CXorf58: variants seen among roughly 807,000 people sequenced by gnomAD.
CXorf58 encodes uncharacterized protein CXorf58.
A neutral mutation model predicts 26.0 loss-of-function variants in CXorf58; 24 were observed. That is an observed-to-expected ratio of 0.92 (90% CI 0.67 to 1.30). CXorf58 has a LOEUF of 1.30. Among genes scored for constraint, CXorf58 ranks in the 50% most tolerant of loss-of-function variants. The pLI, the probability that CXorf58 is intolerant of heterozygous loss-of-function variation, is 0.00. For synonymous variants in CXorf58, 87 were observed against 86.1 expected, an observed-to-expected ratio of 1.01 and a Z score of -0.06; for missense variants, 236 against 263.9, an observed-to-expected ratio of 0.89 and a Z score of 0.73.
intron 5 of CXorf58, among the ~76,000 whole-genome samples, chrX:23,917,662 C>G (rs1262616665): frequency 9.0e-6 from 1 of 110,798 alleles, no homozygotes; most frequent in Non-Finnish European, 1.9e-5. Context: ...AGGTGATTCG[C>G]CCGCCTCGGC....
At chrX:23,927,110 A>G (rs1040069511) in intron 5 of CXorf58, 129 bp from the exon 6 acceptor site, 2 of 440,440 alleles carry the variant, frequency 4.5e-6, no homozygotes, top group Non-Finnish European at 7.6e-6. Flanking sequence ...CAGCCTTTCT[A>G]TTGAATAGCA....
chrX:23,920,415 G>A (rs1177205436), intron 5 of CXorf58, among the ~76,000 whole-genome samples: 3 of 111,932 alleles, frequency 2.7e-5, no homozygotes, highest in African/African-American at 9.7e-5. Context: ...CACAAAAACT[G>A]TGGCCCATCT....
intron 1 of CXorf58, among the ~76,000 whole-genome samples, chrX:23,909,589 A>C (rs1232902013): frequency 8.9e-6 from 1 of 111,989 alleles, no homozygotes; most frequent in Non-Finnish European, 1.9e-5. Context: ...AATTCTTAGA[A>C]GAGATCTGTC....
At chrX:23,919,392 T>C (rs1185725952) in intron 5 of CXorf58, among the ~76,000 whole-genome samples, 1 of 112,563 alleles carries the variant, frequency 8.9e-6, no homozygotes, top group East Asian at 2.8e-4. Context: ...CATTGCATTT[T>C]TCAGCTCCAG....
In CXorf58 at chrX:23,932,368, G is replaced by A. The variant is rs559714854; in HGVS notation, c.556-2828G>A. Among the ~76,000 whole-genome samples the A allele has an allele frequency of 4.8e-4, 54 of 111,842 alleles. 1 individual carries two copies. In the South Asian group the frequency reaches 0.016, roughly 34 times the overall value. On this transcript the variant is annotated intron_variant, in intron 6 of 8. Transcript: ENST00000379211. ...GTTCCTCTAGCTGTAGATCTGCAACGTCTTGAATGATGGCAGTGTTAGCAT... is the reference window on the plus strand; with the variant it reads ...GTTCCTCTAGCTGTAGATCTGCAACATCTTGAATGATGGCAGTGTTAGCAT...
At chrX:23,911,727 T>C in intron 2 of CXorf58, 30 bp from the exon 3 acceptor site, 1 of 1,012,476 alleles carries the variant, frequency 9.9e-7, no homozygotes, top group Non-Finnish European at 1.4e-6. Context: ...AAAACTACTT[T>C]ATAAATATTA....
chrX:23,922,746 G>T (rs1927903046), intron 5 of CXorf58, among the ~76,000 whole-genome samples: 1 of 112,415 alleles, frequency 8.9e-6, no homozygotes, highest in Admixed American at 9.4e-5. Context: ...TATGTAATTG[G>T]ACTGTTCCAA....
At chrX:23,924,425 G>A (rs1740163038) in intron 5 of CXorf58, among the ~76,000 whole-genome samples, 1 of 109,457 alleles carries the variant, frequency 9.1e-6, no homozygotes, top group African/African-American at 3.3e-5. Context: ...GGGTTCAAGC[G>A]ATTCTCCTGC....
chrX:23,910,949 A>G (rs1479002811), intron 2 of CXorf58, among the ~76,000 whole-genome samples: 1 of 108,727 alleles, frequency 9.2e-6, no homozygotes, highest in Non-Finnish European at 1.9e-5. Context: ...TATTTTCAGT[A>G]GAGACGGGGT....
intron 6 of CXorf58, among the ~76,000 whole-genome samples, chrX:23,930,310 C>A (rs745473315): frequency 9.3e-6 from 1 of 107,658 alleles, no homozygotes; most frequent in East Asian, 2.9e-4. Context: ...AATCCAGAAA[C>A]GATTCACCAT....
At chrX:23,921,214 T>C (rs974018024) in intron 5 of CXorf58, among the ~76,000 whole-genome samples, 15 of 111,667 alleles carry the variant, frequency 1.3e-4, no homozygotes, top group African/African-American at 4.9e-4. Flanking sequence ...TGGAAATCAC[T>C]GCTTATGCAT....
rs748414243 is a variant in CXorf58 at position 23,910,469 on chromosome X, C to T, written c.116+51C>T. 3.3e-5 allele frequency: 22 copies of T among 661,157 alleles called. No homozygotes were observed. The African/African-American group carries it at 3.9e-4, about 12-fold the overall frequency. 54.5% of individuals were successfully genotyped at this position (661,157 alleles called of 1,213,427 possible). Reference sequence around the variant, plus strand: ...TTATCTTCCACAACTGTACAGTTTCCAAACAGTACTTATTCAGATAACTTC... The same window carrying T: ...TTATCTTCCACAACTGTACAGTTTCTAAACAGTACTTATTCAGATAACTTC... On this transcript the variant is annotated intron_variant, in intron 2 of 8. Transcript: ENST00000379211.
chrX:23,922,822 A>G (rs1337846905), intron 5 of CXorf58, among the ~76,000 whole-genome samples: 1 of 112,602 alleles, frequency 8.9e-6, no homozygotes, highest in African/African-American at 3.2e-5. Context: ...AGTTCCCAGT[A>G]GAAACAGGAA....
intron 2 of CXorf58, 45 bp downstream of exon 2, chrX:23,910,463 A>G (rs750524507): frequency 1.5e-5 from 11 of 718,620 alleles, no homozygotes; most frequent in Non-Finnish European, 2.4e-5. Flanking sequence ...ACAACTGTAC[A>G]GTTTCCAAAC....
intron 6 of CXorf58, among the ~76,000 whole-genome samples, chrX:23,928,406 C>T (rs2147074865): frequency 9.0e-6 from 1 of 111,120 alleles, no homozygotes; most frequent in African/African-American, 3.3e-5. Context: ...TGGTCTCAAA[C>T]TCCTGACCTC....
intron 6 of CXorf58, among the ~76,000 whole-genome samples, chrX:23,930,147 A>T (rs1417593858): frequency 4.2e-5 from 4 of 94,629 alleles, no homozygotes; most frequent in African/African-American, 1.6e-4. Flanking sequence ...CAGTGAGCCG[A>T]GATTGCACCA....
Position 23,915,815 on chromosome X carries a change from T to C in CXorf58, c.311+21T>C, listed in dbSNP as rs773326943. On this transcript the variant is annotated intron_variant, in intron 4 of 8. Coordinates refer to ENST00000379211, the MANE Select transcript of CXorf58 (RefSeq NM_152761.3). ...TTCAGGTAATGTATCTATGCTGATT[T>C]ATTTCAAGAAGTACTTAGTTAATAT... 3.5e-5 allele frequency: 32 copies of C among 926,742 alleles called. No homozygotes were observed. In the South Asian group the frequency reaches 6.8e-4, roughly 20 times the overall value. The allele number at this position is 926,742 out of a possible 1,213,427, so 76.4% of individuals were successfully genotyped here. A position where few individuals can be genotyped will look rare whatever the true frequency, so the allele number is the denominator to read the frequency against.
chrX:23,938,830 A>G (rs1342506458), intron 8 of CXorf58, 130 bp downstream of exon 8: 4 of 445,323 alleles, frequency 9.0e-6, no homozygotes, highest in African/African-American at 5.0e-5. Flanking sequence ...CACATTTATC[A>G]TAGGTAGTAT....
At chrX:23,913,100 G>A (rs1927626834) in intron 3 of CXorf58, among the ~76,000 whole-genome samples, 1 of 110,856 alleles carries the variant, frequency 9.0e-6, no homozygotes, top group Admixed American at 9.6e-5. Flanking sequence ...GGCAACCCTA[G>A]CAGAGCCTTC....
Sources: gnomAD v4.1 joint callset for allele counts (sites outside exome capture counted in the v4.1 genomes callset) on GRCh38, gnomAD v4.1.1 for gene constraint, MANE v1.5 for transcripts, NCBI Gene and HGNC (gene_info 2026-07-23, HGNC 2026-07-21) for gene names.